Variants in AFF3 observed in about 807,000 individuals in gnomAD.
AFF3 encodes ALF transcription elongation factor 3.
AFF3 carries 32 observed loss-of-function variants against 129.7 expected under a neutral mutation model. That is an observed-to-expected ratio of 0.25 (90% CI 0.19 to 0.33). The LOEUF (loss-of-function observed/expected upper bound fraction) is 0.33, where lower values mean the gene tolerates loss of function less well. Ranked by LOEUF, AFF3 falls within the 10% of genes least tolerant of loss-of-function variation. AFF3 has a pLI of 1.00. For synonymous variants in AFF3, 644 were observed against 635.4 expected (o/e 1.01, Z -0.20); for missense variants, 1,373 against 1,592.0 (o/e 0.86, Z 2.34).
At chr2:99,987,861 G>A (rs1002715937) in intron 7 of AFF3, among the ~76,000 whole-genome samples, 2 of 152,196 alleles carry the variant, frequency 1.3e-5, no homozygotes, top group African/African-American at 4.8e-5. Flanking sequence ...CTCAGATAAT[G>A]CTTGCTTATA....
At chr2:99,858,101 A>G (rs1421327178) in intron 7 of AFF3, among the ~76,000 whole-genome samples, 2 of 152,178 alleles carry the variant, frequency 1.3e-5, no homozygotes, top group Admixed American at 1.3e-4. Flanking sequence ...AACTCCCACC[A>G]TCATCATGAA....
At chr2:99,692,683 G>A (rs1350546273) in intron 11 of AFF3, among the ~76,000 whole-genome samples, 2 of 152,090 alleles carry the variant, frequency 1.3e-5, no homozygotes, top group Non-Finnish European at 2.9e-5. Context: ...TGCCTTCCCC[G>A]ACCTTCCCTC....
At chr2:99,657,052 A>T (rs1388612751) in intron 12 of AFF3, among the ~76,000 whole-genome samples, 1 of 152,168 alleles carries the variant, frequency 6.6e-6, no homozygotes, top group Non-Finnish European at 1.5e-5. Context: ...CGCTCTAATG[A>T]GGACTGCTCT....
At chr2:99,826,794 C>T (rs1421846909) in intron 8 of AFF3, among the ~76,000 whole-genome samples, 2 of 152,118 alleles carry the variant, frequency 1.3e-5, no homozygotes, top group Non-Finnish European at 2.9e-5. Context: ...GGGAGAGCCA[C>T]GAACAGGTTT....
At chr2:99,589,478 T>C (rs1054671663) in intron 15 of AFF3, among the ~76,000 whole-genome samples, 1 of 145,278 alleles carries the variant, frequency 6.9e-6, no homozygotes, top group African/African-American at 2.5e-5. Flanking sequence ...CTCAGCTCAG[T>C]GCAGCCTCTG....
intron 13 of AFF3, among the ~76,000 whole-genome samples, chr2:99,607,574 G>A (rs2105159101): frequency 6.6e-6 from 1 of 152,166 alleles, no homozygotes; most frequent in Middle Eastern, 3.4e-3. Context: ...CAAAATCTTG[G>A]ATCTCACAGT....
intron 12 of AFF3, among the ~76,000 whole-genome samples, chr2:99,659,838 T>C (rs1686070498): frequency 6.6e-6 from 1 of 152,044 alleles, no homozygotes; most frequent in African/African-American, 2.4e-5. Flanking sequence ...AAAAAAGACC[T>C]GTGTGCGCAG....
At chr2:99,813,305 T>C (rs1576062917) in intron 8 of AFF3, among the ~76,000 whole-genome samples, 2 of 152,206 alleles carry the variant, frequency 1.3e-5, no homozygotes, top group Admixed American at 6.5e-5. Context: ...TAAACAAAAA[T>C]GCCATTTGTG....
chr2:100,052,373 C>T (rs1042338519), intron 4 of AFF3, among the ~76,000 whole-genome samples: 3 of 152,148 alleles, frequency 2.0e-5, no homozygotes, highest in Non-Finnish European at 4.4e-5. Flanking sequence ...ACCTCGTCCC[C>T]CATGCCATCC....
chr2:100,139,266 GC>G (rs1020864916), intron 1 of AFF3, among the ~76,000 whole-genome samples: 13 of 152,146 alleles, frequency 8.5e-5, no homozygotes, highest in African/African-American at 3.1e-4. Context: ...TGAGAAAGCT[GC>G]CACAAAGCAT....
chr2:99,844,434 CTTTTTTTT>C (rs984233053), intron 7 of AFF3, among the ~76,000 whole-genome samples: 16 of 92,460 alleles, frequency 1.7e-4, no homozygotes, highest in East Asian at 1.0e-3. Flanking sequence ...TTTTTCTTTT[CTTTTTTTT>C]TTTTTTTTTT....
chr2:99,703,979 C>T (rs1677119614), intron 11 of AFF3, among the ~76,000 whole-genome samples: 1 of 152,228 alleles, frequency 6.6e-6, no homozygotes, highest in Non-Finnish European at 1.5e-5. Context: ...TAACTTATCA[C>T]AGCTTACTGG....
chr2:99,712,702 T>C (rs138755378), intron 11 of AFF3, among the ~76,000 whole-genome samples: 2 of 152,268 alleles, frequency 1.3e-5, no homozygotes, highest in Non-Finnish European at 2.9e-5. Context: ...TACTTCTGAC[T>C]GTGTAGGTTA....
At chr2:99,675,735 A>T (rs1012415070) in intron 11 of AFF3, among the ~76,000 whole-genome samples, 1 of 152,206 alleles carries the variant, frequency 6.6e-6, no homozygotes, top group Non-Finnish European at 1.5e-5. Context: ...AACTGTCTGT[A>T]CTTGGTGTAT....
chr2:99,924,273 C>T (rs1408047136), intron 7 of AFF3, among the ~76,000 whole-genome samples: 1 of 152,156 alleles, frequency 6.6e-6, no homozygotes, highest in Non-Finnish European at 1.5e-5. Context: ...AAAACATACA[C>T]ACAAAGACAA....
At chr2:99,773,707 T>C (rs778236823) in intron 8 of AFF3, among the ~76,000 whole-genome samples, 1 of 152,126 alleles carries the variant, frequency 6.6e-6, no homozygotes, top group African/African-American at 2.4e-5. Flanking sequence ...CTATTCAACA[T>C]AGTATTGGAA....
chr2:99,590,351 G>A (rs1254927636), intron 15 of AFF3, among the ~76,000 whole-genome samples: 2 of 152,256 alleles, frequency 1.3e-5, no homozygotes, highest in African/African-American at 4.8e-5. Flanking sequence ...TGGGAACACA[G>A]TGAGTCAAAG....
At chr2:99,735,288 CAA>C (rs965487372) in intron 10 of AFF3, among the ~76,000 whole-genome samples, 12 of 152,068 alleles carry the variant, frequency 7.9e-5, no homozygotes, top group Admixed American at 5.2e-4. Context: ...AATCTCTCTG[CAA>C]AGTTTGTCAA....
chr2:99,933,285 A>G (rs561003775), intron 7 of AFF3, among the ~76,000 whole-genome samples: 76 of 152,344 alleles, frequency 5.0e-4, no homozygotes, highest in Non-Finnish European at 8.2e-4. Context: ...CAAGAAAGCA[A>G]GGGGCTTAAA....
Sources: gnomAD v4.1 joint callset for allele counts (sites outside exome capture counted in the v4.1 genomes callset) on GRCh38, gnomAD v4.1.1 for gene constraint, MANE v1.5 for transcripts, NCBI Gene and HGNC (gene_info 2026-07-23, HGNC 2026-07-21) for gene names.